The following CSMD2 variants were observed in gnomAD, a reference collection of about 807,000 sequenced individuals.
CSMD2 encodes the protein CUB and Sushi multiple domains 2.
In CSMD2, 130 loss-of-function variants were observed where a neutral mutation model predicts 398.5. The observed-to-expected ratio is 0.33, with a 90% CI of 0.28 to 0.38. The LOEUF (loss-of-function observed/expected upper bound fraction) is 0.38, where lower values mean the gene tolerates loss of function less well. CSMD2 is among the 10% of genes least tolerant of loss of function. CSMD2 has a pLI of 1.00. For missense variants in CSMD2, 3,829 were observed against 4,764.9 expected, an observed-to-expected ratio of 0.80 and a Z score of 5.78; for synonymous variants, 1,828 against 1,908.5, an observed-to-expected ratio of 0.96 and a Z score of 1.10.
At chr1:33,799,568 T>A (rs1373701506) in intron 10 of CSMD2, among the ~76,000 whole-genome samples, 1 of 152,246 alleles carries the variant, frequency 6.6e-6, no homozygotes, top group Non-Finnish European at 1.5e-5. Context: ...TGGCAATGTA[T>A]GTATCTTGCC....
At chr1:34,063,375 C>G (rs1361710305) in intron 2 of CSMD2, among the ~76,000 whole-genome samples, 2 of 152,206 alleles carry the variant, frequency 1.3e-5, no homozygotes, top group East Asian at 3.9e-4. Flanking sequence ...AATCAAAAAG[C>G]AAGCTAGTTA....
Position 34,065,965 on chromosome 1 carries a change from T to C in CSMD2, c.404+23012A>G, listed in dbSNP as rs78924443. ...CTGCCCAATTAGGAACTTGAGACAGTATTACAGAATGGTCAAGACATAATG... is the reference window on the plus strand; with the variant it reads ...CTGCCCAATTAGGAACTTGAGACAGCATTACAGAATGGTCAAGACATAATG... On this transcript the variant is annotated intron_variant, in intron 2 of 70. Coordinates refer to ENST00000373381, the MANE Select transcript of CSMD2 (RefSeq NM_001281956.2). Among the ~76,000 whole-genome samples the C allele has an allele frequency of 2.5e-3, 377 of 152,280 alleles. 5 individuals are homozygous for C. The highest frequency in any genetic ancestry group is 8.8e-3 in the African/African-American group (364 of 41,562).
intron 68 of CSMD2, among the ~76,000 whole-genome samples, 158 bp from the exon 69 acceptor site, chr1:33,520,108 G>A (rs1158727528): frequency 2.6e-5 from 4 of 152,078 alleles, no homozygotes; most frequent in South Asian, 2.1e-4. Context: ...AGGGCTGCCC[G>A]CCTGCCTCCA....
rs186664258 is a variant in CSMD2 at position 33,739,466 on chromosome 1, G to C, written c.2174-132C>G. 3.7e-6 allele frequency: 3 copies of C among 820,236 alleles called. No individual in the cohort carries two copies. The African/African-American group carries it at 5.1e-5, about 14-fold the overall frequency. The allele number at this position is 820,236 out of a possible 1,614,324, so 50.8% of individuals were successfully genotyped here. Reference sequence around the variant, plus strand: ...TCCCCAAGAACTTGCCATGTTGGCGGGAGAGCTAGGCATTCTAGGACCTCG... The same window carrying C: ...TCCCCAAGAACTTGCCATGTTGGCGCGAGAGCTAGGCATTCTAGGACCTCG... On this transcript the variant is annotated intron_variant, in intron 14 of 70. Coordinates refer to ENST00000373381, the MANE Select transcript of CSMD2 (RefSeq NM_001281956.2).
intron 26 of CSMD2, among the ~76,000 whole-genome samples, chr1:33,659,716 A>C (rs1644066984): frequency 6.6e-6 from 1 of 152,230 alleles, no homozygotes; most frequent in South Asian, 2.1e-4. Context: ...AGCCTAGGGC[A>C]ACTGTATACA....
intron 1 of CSMD2, among the ~76,000 whole-genome samples, chr1:34,145,011 G>A (rs1571257993): frequency 6.6e-6 from 1 of 152,192 alleles, no homozygotes; most frequent in East Asian, 1.9e-4. Flanking sequence ...TGGCCCTTGG[G>A]GGACACCAGA....
intron 1 of CSMD2, among the ~76,000 whole-genome samples, chr1:34,148,802 G>C (rs564550686): frequency 6.6e-6 from 1 of 152,316 alleles, no homozygotes; most frequent in East Asian, 1.9e-4. Context: ...TCTGTGCTCA[G>C]AGAATGCACC....
intron 25 of CSMD2, among the ~76,000 whole-genome samples, chr1:33,674,424 T>G (rs1024273918): frequency 2.1e-4 from 32 of 152,098 alleles, no homozygotes; most frequent in Non-Finnish European, 3.8e-4. Flanking sequence ...TAAATATATA[T>G]GCACCCAATA....
intron 2 of CSMD2, among the ~76,000 whole-genome samples, chr1:34,064,255 G>T (rs564630408): frequency 1.6e-4 from 25 of 152,202 alleles, no homozygotes; most frequent in Admixed American, 4.6e-4. Flanking sequence ...TCAAAAAATG[G>T]GTTTTTCTTT....
intron 1 of CSMD2, among the ~76,000 whole-genome samples, chr1:34,102,651 T>TCCGG (rs1396936632): frequency 4.8e-4 from 38 of 79,432 alleles, no homozygotes; most frequent in East Asian, 1.8e-3. Flanking sequence ...ATCCCTGTAA[T>TCCGG]CCAACCATAT....
chr1:33,742,144 C>T (rs1447979442), intron 14 of CSMD2, among the ~76,000 whole-genome samples: 1 of 152,214 alleles, frequency 6.6e-6, no homozygotes, highest in African/African-American at 2.4e-5. Context: ...AAACAGGAAT[C>T]CCCTGGAGGA....
chr1:34,106,919 C>T (rs554138672), intron 1 of CSMD2, among the ~76,000 whole-genome samples: 1 of 152,298 alleles, frequency 6.6e-6, no homozygotes, highest in South Asian at 2.1e-4. Context: ...CATGATTTTC[C>T]CTGCATGGTG....
chr1:34,056,497 G>T (rs1327855768), intron 2 of CSMD2, among the ~76,000 whole-genome samples: 1 of 152,154 alleles, frequency 6.6e-6, no homozygotes, highest in Non-Finnish European at 1.5e-5. Flanking sequence ...GCTTTGTTTT[G>T]CATCCTGGCT....
intron 2 of CSMD2, among the ~76,000 whole-genome samples, chr1:34,073,902 G>C (rs1043846623): frequency 6.6e-6 from 1 of 152,234 alleles, no homozygotes; most frequent in Non-Finnish European, 1.5e-5. Flanking sequence ...CATTTGCCTG[G>C]CTCCTGGGGA....
At chr1:34,062,948 A>G (rs1270757078) in intron 2 of CSMD2, among the ~76,000 whole-genome samples, 1 of 152,208 alleles carries the variant, frequency 6.6e-6, no homozygotes, top group Admixed American at 6.5e-5. Flanking sequence ...GGGAGGCCTC[A>G]GAATCATGGT....
intron 6 of CSMD2, among the ~76,000 whole-genome samples, chr1:33,846,369 T>C (rs1178295384): frequency 1.3e-5 from 2 of 152,202 alleles, no homozygotes; most frequent in Non-Finnish European, 2.9e-5. Context: ...ATATTCATGT[T>C]TTAGATAAAA....
intron 1 of CSMD2, among the ~76,000 whole-genome samples, chr1:34,094,972 C>T (rs1400263154): frequency 7.0e-6 from 1 of 142,086 alleles, no homozygotes; most frequent in African/African-American, 2.7e-5. Context: ...TTCAGCACCA[C>T]ACCACACCTA....
At chr1:33,823,280 G>C (rs1222173863) in intron 7 of CSMD2, among the ~76,000 whole-genome samples, 2 of 152,266 alleles carry the variant, frequency 1.3e-5, no homozygotes, top group Non-Finnish European at 2.9e-5. Flanking sequence ...GGACTGAGCA[G>C]GGGATGGTGG....
At chr1:33,817,653 T>G (rs1385025643) in intron 9 of CSMD2, among the ~76,000 whole-genome samples, 6 of 152,200 alleles carry the variant, frequency 3.9e-5, no homozygotes, top group Non-Finnish European at 8.8e-5. Flanking sequence ...GCTGAATATG[T>G]GTGCACGTAA....
Sources: allele counts gnomAD v4.1 joint callset (sites outside exome capture counted in the v4.1 genomes callset), GRCh38; gene constraint gnomAD v4.1.1; transcripts MANE v1.5; gene names NCBI Gene and HGNC (gene_info 2026-07-23, HGNC 2026-07-21).